Variants in DPP6 observed in about 807,000 individuals in gnomAD.
DPP6 encodes A-type potassium channel modulatory protein DPP6.
DPP6 carries 69 observed loss-of-function variants against 122.6 expected under a neutral mutation model. That is an observed-to-expected ratio of 0.56 (90% CI 0.46 to 0.69). The LOEUF (loss-of-function observed/expected upper bound fraction) is 0.69, where lower values mean the gene tolerates loss of function less well. Ranked by LOEUF, DPP6 falls within the 30% of genes least tolerant of loss-of-function variation. The pLI is 0.00. For missense variants in DPP6, 928 were observed against 1,116.9 expected (o/e 0.83, Z 2.41); for synonymous variants, 418 against 433.1 (o/e 0.97, Z 0.43).
chr7:153,805,530 T>C, the DPP6 span, among the ~76,000 whole-genome samples: 1 of 152,214 alleles, frequency 6.6e-6, no homozygotes, highest in Non-Finnish European at 1.5e-5. Flanking sequence ...TGTGTCTTTA[T>C]AGCAGCATGA....
At chr7:154,051,472 C>T (rs1169180654), upstream of DPP6, among the ~76,000 whole-genome samples, 1 of 150,538 alleles carries the variant, frequency 6.6e-6, no homozygotes, top group Non-Finnish European at 1.5e-5. Flanking sequence ...GAAGCCAGGC[C>T]GGGCCTGGAG....
chr7:153,887,600 G>C lies in DPP6; in HGVS notation c.-84G>C, dbSNP rs569697342. 4 of 1,534,654 alleles carry C rather than the reference G, an allele frequency of 2.6e-6. No homozygotes were observed. The African/African-American group carries it at 4.1e-5, about 16-fold the overall frequency. On this transcript the variant is annotated 5_prime_UTR_variant, in exon 1 of 26. Transcript: ENST00000404039. ...CCCGTTTCCATCCAGTCTTCAGCCA[G>C]TCCAGTCTACTTTAATCCTCACCAG...
At chr7:154,745,606 T>C (rs1843002005) in intron 8 of DPP6, among the ~76,000 whole-genome samples, 1 of 152,226 alleles carries the variant, frequency 6.6e-6, no homozygotes, top group African/African-American at 2.4e-5. Context: ...CAGGGTTCTA[T>C]AGCCTGTGCA....
At chr7:154,188,889 A>C (rs1798481977) in intron 1 of DPP6, among the ~76,000 whole-genome samples, 1 of 152,266 alleles carries the variant, frequency 6.6e-6, no homozygotes. Context: ...TGAACCTCTT[A>C]TTCTATCCTT....
chr7:154,147,653 TG>T, intron 1 of DPP6, among the ~76,000 whole-genome samples: 1 of 19,792 alleles, frequency 5.1e-5, no homozygotes, highest in South Asian at 2.7e-3. Flanking sequence ...CTAATTTGTG[TG>T]TGTGTGTGTG....
At chr7:154,594,342 T>C (rs6964677) in intron 5 of DPP6, among the ~76,000 whole-genome samples, 90,213 of 152,034 alleles carry the variant, frequency 0.59, 27,256 homozygotes, top group African/African-American at 0.7. Flanking sequence ...ATATTCCTTG[T>C]TAGACTCAAG....
At chr7:154,751,556 G>A (rs1161110999) in intron 8 of DPP6, among the ~76,000 whole-genome samples, 1 of 149,632 alleles carries the variant, frequency 6.7e-6, no homozygotes, top group Non-Finnish European at 1.5e-5. Flanking sequence ...GTTGCAATGA[G>A]CTGAGATCGT....
chr7:154,150,527 G>T (rs576964963), intron 1 of DPP6, among the ~76,000 whole-genome samples: 1 of 152,350 alleles, frequency 6.6e-6, no homozygotes, highest in African/African-American at 2.4e-5. Context: ...AGGCCCAAGG[G>T]CACATCTGCA....
chr7:154,884,360 TCA>T (rs137953924), intron 21 of DPP6: 1 of 143,448 alleles, frequency 7.0e-6, no homozygotes, highest in African/African-American at 2.7e-5. Context: ...ACACACATGC[TCA>T]CACAAATTAC....
intron 1 of DPP6, among the ~76,000 whole-genome samples, chr7:154,037,153 A>G (rs145755115): frequency 6.6e-6 from 1 of 152,238 alleles, no homozygotes; most frequent in Non-Finnish European, 1.5e-5. Context: ...TAAGTACACT[A>G]TACAAGAGCA....
chr7:154,058,454 T>C (rs1801118144), intron 1 of DPP6: 1 of 124,270 alleles, frequency 8.0e-6, no homozygotes, highest in Non-Finnish European at 1.7e-5. Context: ...CTTCCGCACC[T>C]GGCTGTTGGT....
At chr7:154,493,527 G>C (rs1824468847) in intron 3 of DPP6, among the ~76,000 whole-genome samples, 1 of 152,040 alleles carries the variant, frequency 6.6e-6, no homozygotes, top group African/African-American at 2.4e-5. Flanking sequence ...GATTTCTTTT[G>C]TTCTGTAAAA....
At chr7:154,568,036 T>C (rs2130540862) in intron 5 of DPP6, among the ~76,000 whole-genome samples, 1 of 152,368 alleles carries the variant, frequency 6.6e-6, no homozygotes, top group South Asian at 2.1e-4. Flanking sequence ...TTTCATTTTT[T>C]CCATCCAAAT....
intron 7 of DPP6, among the ~76,000 whole-genome samples, chr7:154,695,724 G>A (rs1313833049): frequency 6.6e-6 from 1 of 152,144 alleles, no homozygotes; most frequent in East Asian, 1.9e-4. Context: ...GGCTGGCGCT[G>A]TGTGGATCAG....
At chr7:153,798,164 G>A in the DPP6 span, among the ~76,000 whole-genome samples, 146 of 152,120 alleles carry the variant, frequency 9.6e-4, no homozygotes, top group South Asian at 5.6e-3. Flanking sequence ...TTAGAAGGGC[G>A]CTAATCCCAT....
At chr7:154,795,062 G>A (rs1371224977) in intron 11 of DPP6, among the ~76,000 whole-genome samples, 4 of 152,020 alleles carry the variant, frequency 2.6e-5, no homozygotes, top group African/African-American at 4.8e-5. Context: ...AACCTGGGGC[G>A]GATTCCAGGC....
rs151137940 is a variant in DPP6 at position 154,191,022 on chromosome 7, G to T, written c.243+137959G>T. 2.5e-3 allele frequency among the ~76,000 whole-genome samples: 382 copies of T among 152,192 alleles called. 2 individuals carry two copies. The highest frequency in any genetic ancestry group is 8.7e-3 in the African/African-American group (360 of 41,532). ...CAGATTGGCTATTATTTGCTTAATA[G>T]CCAATAATAAAAGAGCAACTGCTAT... On this transcript the variant is annotated intron_variant, in intron 1 of 25. Transcript: ENST00000377770.
intron 5 of DPP6, among the ~76,000 whole-genome samples, chr7:154,619,315 G>A (rs530612772): frequency 2.6e-5 from 4 of 152,288 alleles, no homozygotes; most frequent in East Asian, 3.9e-4. Flanking sequence ...TCAAATCAAC[G>A]TAAGCCTCGT....
intron 7 of DPP6, among the ~76,000 whole-genome samples, chr7:154,695,198 G>A (rs754971668): frequency 2.6e-5 from 4 of 152,122 alleles, no homozygotes; most frequent in Non-Finnish European, 5.9e-5. Flanking sequence ...GGTGCATGAC[G>A]CCCAAGACTA....
Sources: allele counts gnomAD v4.1 joint callset (sites outside exome capture counted in the v4.1 genomes callset), GRCh38; gene constraint gnomAD v4.1.1; transcripts MANE v1.5; gene names NCBI Gene and HGNC (gene_info 2026-07-23, HGNC 2026-07-21).